RBM5: variants seen among roughly 807,000 people sequenced by gnomAD.
The protein encoded by RBM5 is RNA binding motif protein 5, also known as RNA-binding protein 5.
RBM5 carries 15 observed loss-of-function variants against 124.6 expected under a neutral mutation model. That is an observed-to-expected ratio of 0.12 (90% CI 0.08 to 0.19). The LOEUF is 0.19. RBM5 is among the 10% of genes least tolerant of loss of function. RBM5 has a pLI of 1.00. For synonymous variants in RBM5, 337 were observed against 361.2 expected (o/e 0.93, Z 0.76); for missense variants, 580 against 1,026.5 (o/e 0.57, Z 5.94).
intron 4 of RBM5, among the ~76,000 whole-genome samples, chr3:50,095,753 C>G (rs1213794794): frequency 1.3e-5 from 2 of 151,984 alleles, no homozygotes; most frequent in African/African-American, 4.8e-5. Flanking sequence ...TCATCTCTAC[C>G]ACAAGATCTC....
chr3:50,107,474 G>T lies in RBM5; in HGVS notation c.954-8G>T. 6.4e-7 allele frequency: 1 copy of T among 1,574,530 alleles called. No homozygotes were observed. The highest frequency in any genetic ancestry group is 8.7e-7 in the Non-Finnish European group (1 of 1,144,536). ...TAGAATCACATGATTGGATCTTTGT[G>T]GTTTCAGAGACTTGGTCCTCTCAGA... On this transcript the variant is annotated splice_region_variant and splice_polypyrimidine_tract_variant and intron_variant, in intron 11 of 24. Coordinates refer to ENST00000347869, the MANE Select transcript of RBM5 (RefSeq NM_005778.4).
chr3:50,094,037 ATAT>A, intron 4 of RBM5, 162 bp downstream of exon 4: 1 of 636,766 alleles, frequency 1.6e-6, no homozygotes, highest in African/African-American at 1.8e-5. Flanking sequence ...TTTTTTTTTA[ATAT>A]TTGCATTTAC....
At chr3:50,110,081 C>T (rs2091114545) in intron 15 of RBM5, among the ~76,000 whole-genome samples, 1 of 152,136 alleles carries the variant, frequency 6.6e-6, no homozygotes, top group Non-Finnish European at 1.5e-5. Flanking sequence ...CGTGGTGGCA[C>T]ATGCCTGTAA....
In RBM5 at chr3:50,117,057, T is replaced by C. The variant is rs764360908; in HGVS notation, c.2095-17T>C. The C allele has an allele frequency of 3.8e-5, 61 of 1,608,180 alleles. No homozygotes were observed. The South Asian group carries it at 6.3e-4, about 17-fold the overall frequency. On this transcript the variant is annotated splice_polypyrimidine_tract_variant and intron_variant, in intron 22 of 24. Coordinates refer to ENST00000347869, the MANE Select transcript of RBM5 (RefSeq NM_005778.4). This position sits in a 1 kb window ranked among gnomAD's most constrained non-coding sequence, Gnocchi z 4.2. ...AAGTCTGTGAACATTTCCAGCAGTG[T>C]TTTTTCTCCCATGTAGATGAAATAC...
chr3:50,115,643 G>A, intron 21 of RBM5, 36 bp downstream of exon 21: 1 of 1,570,770 alleles, frequency 6.4e-7, no homozygotes, highest in Non-Finnish European at 8.6e-7. Flanking sequence ...AGGGGGCGAG[G>A]GGAGGCAGTG....
intron 12 of RBM5, 93 bp downstream of exon 12, chr3:50,107,662 C>G (rs551857748): frequency 1.6e-4 from 27 of 171,206 alleles, no homozygotes; most frequent in South Asian, 6.1e-4. Flanking sequence ...AGTATGAGCT[C>G]TTTTCTTTTC....
intron 17 of RBM5, 93 bp downstream of exon 17, chr3:50,110,863 T>A: frequency 9.6e-7 from 1 of 1,039,152 alleles, no homozygotes; most frequent in Non-Finnish European, 1.4e-6. Flanking sequence ...TGCAAAAGAA[T>A]ATATGACTCA....
chr3:50,091,023 A>G (rs141974245), intron 2 of RBM5, among the ~76,000 whole-genome samples: 45 of 152,368 alleles, frequency 3.0e-4, no homozygotes, highest in African/African-American at 1.0e-3. Flanking sequence ...GCATTTGGCT[A>G]TTGTGTCACC....
chr3:50,113,830 G>C, intron 18 of RBM5, 120 bp from the exon 19 acceptor site: 2 of 1,155,158 alleles, frequency 1.7e-6, no homozygotes, highest in Admixed American at 2.4e-5. Context: ...TTTGTAGGTG[G>C]AAGTAAGAGT....
rs1281385161 is a variant in RBM5 at position 50,100,714 on chromosome 3, A to G, written c.483+109A>G. 2 of 830,128 alleles carry G rather than the reference A, an allele frequency of 2.4e-6. No homozygotes were observed. The highest frequency in any genetic ancestry group is 3.4e-5 in the African/African-American group (2 of 58,076). 51.4% of individuals were successfully genotyped at this position (830,128 alleles called of 1,614,324 possible). On this transcript the variant is annotated intron_variant, in intron 6 of 24. Transcript: ENST00000347869. The surrounding 1 kb of genome is among the most constrained non-coding windows in gnomAD (Gnocchi z 5.1). The stretch of plus-strand genomic sequence containing the variant: ...TTCCAAAGGAGTGACTTTTTTTTAA[A>G]AAAAAAGCTTTGTATATATTAAAAT...
At chr3:50,093,665 CTG>C in intron 3 of RBM5, 53 bp from the exon 4 acceptor site, 1 of 1,537,724 alleles carries the variant, frequency 6.5e-7, no homozygotes, top group South Asian at 1.2e-5. Context: ...AGTGGAGGGT[CTG>C]TTTCAAAGAG....
Position 50,117,405 on chromosome 3 carries a change from GT to G in RBM5, c.2322+29del. On this transcript the variant is annotated intron_variant, in intron 24 of 24. Transcript: ENST00000347869. This position sits in a 1 kb window ranked among gnomAD's most constrained non-coding sequence, Gnocchi z 4.2. Reference sequence around the variant, plus strand: ...GTAAGCAGTGGGGTCAGGTCTTGATGTTTGCCAGGCTTACAGGCCGGTTCCA... The same window carrying G: ...GTAAGCAGTGGGGTCAGGTCTTGATGTTGCCAGGCTTACAGGCCGGTTCCA... 2 of 1,612,088 alleles carry G rather than the reference GT, an allele frequency of 1.2e-6. No individual in the cohort carries two copies. Among genetic ancestry groups the G allele is most frequent in the Non-Finnish European group, 8.5e-7 (1 of 1,179,204 alleles).
chr3:50,103,604 C>CCACT (rs2090980531), intron 7 of RBM5, among the ~76,000 whole-genome samples: 3 of 152,114 alleles, frequency 2.0e-5, no homozygotes, highest in Admixed American at 2.0e-4. Context: ...CAAGATCGCG[C>CCACT]CACTGCACTC....
At chr3:50,093,902 G>A in intron 4 of RBM5, 27 bp downstream of exon 4, 1 of 1,584,006 alleles carries the variant, frequency 6.3e-7, no homozygotes, top group South Asian at 1.1e-5. Context: ...GTTATAACCA[G>A]CAGTCAGTAG....
Position 50,117,509 on chromosome 3 carries a change from A to G in RBM5, c.2322+130A>G, listed in dbSNP as rs1381715179. The G allele has an allele frequency of 3.1e-6, 4 of 1,283,706 alleles. No homozygotes were observed. The highest frequency in any genetic ancestry group is 2.2e-5 in the Admixed American group (1 of 44,644). The allele number at this position is 1,283,706 out of a possible 1,614,324, so 79.5% of individuals were successfully genotyped here. ...TAGCATGAAGGGGCAGATTACAGGC[A>G]TGAGCTCACACCTGTAATCCCAGCA... On this transcript the variant is annotated intron_variant, in intron 24 of 24. Coordinates refer to ENST00000347869, the MANE Select transcript of RBM5 (RefSeq NM_005778.4). This position sits in a 1 kb window ranked among gnomAD's most constrained non-coding sequence, Gnocchi z 4.2.
intron 4 of RBM5, among the ~76,000 whole-genome samples, chr3:50,097,328 G>A (rs1233988849): frequency 6.6e-6 from 1 of 151,792 alleles, no homozygotes; most frequent in Non-Finnish European, 1.5e-5. Context: ...TCTGAGAGGC[G>A]GAGCTTGCAG....
chr3:50,103,418 G>A (rs566545285), intron 7 of RBM5, among the ~76,000 whole-genome samples: 1 of 152,314 alleles, frequency 6.6e-6, no homozygotes, highest in Admixed American at 6.5e-5. Context: ...AGGCCAAGGC[G>A]GGTAGATAGC....
intron 17 of RBM5, among the ~76,000 whole-genome samples, chr3:50,112,425 A>T (rs1307834657): frequency 1.7e-4 from 6 of 35,460 alleles, no homozygotes; most frequent in Admixed American, 7.9e-4. Context: ...AAAAAAAAAA[A>T]AAAAAAAAAA....
chr3:50,113,610 G>A, intron 18 of RBM5, 66 bp downstream of exon 18: 2 of 1,471,740 alleles, frequency 1.4e-6, no homozygotes, highest in Non-Finnish European at 9.1e-7. Flanking sequence ...TGGGGTTGTA[G>A]CATTTATGTC....
Sources: gnomAD v4.1 joint callset for allele counts (sites outside exome capture counted in the v4.1 genomes callset) on GRCh38, gnomAD v4.1.1 for gene constraint, Gnocchi (gnomAD v3.1) non-coding constraint, MANE v1.5 for transcripts, NCBI Gene and HGNC (gene_info 2026-07-23, HGNC 2026-07-21) for gene names.